The following NAV1 variants were observed in gnomAD, a reference collection of about 807,000 sequenced individuals.
The protein encoded by NAV1 is neuron navigator 1.
In NAV1, 18 loss-of-function variants were observed where a neutral mutation model predicts 175.2. The observed-to-expected ratio is 0.10, with a 90% CI of 0.07 to 0.15. NAV1 has a LOEUF of 0.15. Among genes scored for constraint, NAV1 ranks in the 10% least tolerant of loss-of-function variants. The pLI is 1.00. For missense variants in NAV1, 1,731 were observed against 2,436.6 expected, an observed-to-expected ratio of 0.71 and a Z score of 6.10; for synonymous variants, 897 against 978.7, an observed-to-expected ratio of 0.92 and a Z score of 1.56.
At chr1:201,721,704 C>T (rs888255574) in intron 3 of NAV1, among the ~76,000 whole-genome samples, 4 of 152,262 alleles carry the variant, frequency 2.6e-5, no homozygotes, top group African/African-American at 9.6e-5. Flanking sequence ...CCTCGGCCCA[C>T]TGCAATTTAC....
At chr1:201,625,596 G>A (rs552511669) in intron 1 of NAV1, among the ~76,000 whole-genome samples, 3 of 152,276 alleles carry the variant, frequency 2.0e-5, no homozygotes, top group African/African-American at 7.2e-5. Context: ...TCTTTACTTC[G>A]ATTCTGAAGC....
intron 2 of NAV1, among the ~76,000 whole-genome samples, chr1:201,608,878 A>G (rs1290077862): frequency 6.6e-6 from 1 of 152,152 alleles, no homozygotes; most frequent in East Asian, 1.9e-4. Flanking sequence ...GCTGGCAGGA[A>G]TGGGGGCTCA....
chr1:201,620,358 G>A (rs1249255598), upstream of NAV1, among the ~76,000 whole-genome samples: 3 of 150,660 alleles, frequency 2.0e-5, no homozygotes, highest in Non-Finnish European at 2.9e-5. Context: ...TATTTTCATT[G>A]TACATAAATC....
At chr1:201,569,124 C>T (rs539661148) in intron 1 of NAV1, among the ~76,000 whole-genome samples, 107 of 152,340 alleles carry the variant, frequency 7.0e-4, no homozygotes, top group African/African-American at 2.1e-3. Flanking sequence ...TCAGAACCAC[C>T]AGCAGCCCTG....
rs140408579 is a variant in NAV1 at position 201,770,232 on chromosome 1, G to A, written c.1227-10189G>A. 1.8e-4 allele frequency among the ~76,000 whole-genome samples: 28 copies of A among 152,302 alleles called. No individual in the cohort carries two copies. The South Asian group carries it at 2.5e-3, about 14-fold the overall frequency. On this transcript the variant is annotated intron_variant, in intron 3 of 29. Coordinates refer to ENST00000367296, the Ensembl canonical transcript of NAV1. ...TGTTTCCTGCCCCATGCATTGCCAC[G>A]TGTCTGCACAGACACAAACAGAGCA...
chr1:201,581,879 T>TA (rs1666877085), intron 1 of NAV1, among the ~76,000 whole-genome samples: 2 of 151,630 alleles, frequency 1.3e-5, no homozygotes, highest in Admixed American at 6.6e-5. Flanking sequence ...AGAATTTTTT[T>TA]AAAAATGACC....
At chr1:201,662,237 T>C (rs1669640558) in intron 1 of NAV1, among the ~76,000 whole-genome samples, 1 of 152,256 alleles carries the variant, frequency 6.6e-6, no homozygotes. Context: ...TATAAGAGTT[T>C]AGTGGCACAG....
intron 17 of NAV1, among the ~76,000 whole-genome samples, chr1:201,806,900 C>T (rs776558166): frequency 6.6e-5 from 10 of 152,210 alleles, no homozygotes; most frequent in Non-Finnish European, 1.0e-4. Context: ...CCAGGAGAGA[C>T]GCTTAGAAAG....
intron 1 of NAV1, among the ~76,000 whole-genome samples, chr1:201,556,515 C>T (rs142033449): frequency 6.6e-6 from 1 of 152,086 alleles, no homozygotes. Flanking sequence ...GGGACTGTAA[C>T]CCCTGGAGGG....
intron 2 of NAV1, among the ~76,000 whole-genome samples, chr1:201,638,000 G>A (rs1329818777): frequency 6.6e-6 from 1 of 152,128 alleles, no homozygotes; most frequent in Admixed American, 6.5e-5. Flanking sequence ...AGGAGCACAG[G>A]GATCTGATTT....
chr1:201,695,672 A>G (rs1671160341), intron 1 of NAV1, among the ~76,000 whole-genome samples: 1 of 152,212 alleles, frequency 6.6e-6, no homozygotes. Flanking sequence ...CGTGGGCTGG[A>G]TGCAGGCCCT....
intron 2 of NAV1, among the ~76,000 whole-genome samples, chr1:201,610,254 G>A (rs1667806585): frequency 6.6e-6 from 1 of 152,228 alleles, no homozygotes; most frequent in African/African-American, 2.4e-5. Context: ...TAATTGAAAA[G>A]GAACTGGGGA....
chr1:201,804,307 C>G, intron 16 of NAV1, among the ~76,000 whole-genome samples, 182 bp from the exon 21 acceptor site: 1 of 152,168 alleles, frequency 6.6e-6, no homozygotes, highest in East Asian at 1.9e-4. Context: ...CTCTTGCTGA[C>G]TGTGGTAAGA....
chr1:201,593,976 C>T (rs1667280690), intron 2 of NAV1, among the ~76,000 whole-genome samples: 1 of 151,896 alleles, frequency 6.6e-6, no homozygotes, highest in Non-Finnish European at 1.5e-5. Flanking sequence ...ACCATCAGTG[C>T]AGGTGGGAAG....
intron 1 of NAV1, among the ~76,000 whole-genome samples, chr1:201,569,825 A>G (rs1046778236): frequency 6.6e-6 from 1 of 152,156 alleles, no homozygotes; most frequent in Non-Finnish European, 1.5e-5. Context: ...AAGGCCACAG[A>G]GGAGTGGGAA....
At chr1:201,543,522 A>T in intron 1 of NAV1, among the ~76,000 whole-genome samples, 1 of 150,926 alleles carries the variant, frequency 6.6e-6, no homozygotes. Flanking sequence ...TTATCTGCAA[A>T]GTTTCATTTT....
intron 1 of NAV1, among the ~76,000 whole-genome samples, chr1:201,653,051 A>C (rs1023124011): frequency 2.0e-5 from 3 of 152,244 alleles, no homozygotes; most frequent in African/African-American, 7.2e-5. Context: ...AGTGAAAAAC[A>C]GAATGGTTGT....
At position 201,552,998 on chromosome 1, in the gene NAV1, G is replaced by A. The variant is rs537863285; in HGVS notation, c.-144+13656G>A. 5.9e-5 allele frequency among the ~76,000 whole-genome samples: 9 copies of A among 152,306 alleles called. No individual in the cohort carries two copies. In the East Asian group the frequency reaches 1.5e-3, roughly 26 times the overall value. On this transcript the variant is annotated intron_variant, in intron 1 of 33. Coordinates refer to the NAV1 transcript ENST00000685211. ...AGACTGCAGGCCTCCAGGGGACGAG[G>A]GGGGCAGAGTGGCCTGGGGTTTTGT...
At chr1:201,569,867 C>T (rs983153537) in intron 1 of NAV1, among the ~76,000 whole-genome samples, 1 of 152,200 alleles carries the variant, frequency 6.6e-6, no homozygotes, top group African/African-American at 2.4e-5. Context: ...ACATCCAGCT[C>T]TTAGGCTTCT....
Sources: allele counts gnomAD v4.1 joint callset (sites outside exome capture counted in the v4.1 genomes callset), GRCh38; gene constraint gnomAD v4.1.1; transcripts MANE v1.5; gene names NCBI Gene and HGNC (gene_info 2026-07-23, HGNC 2026-07-21).